The following CNTNAP4 variants were observed in gnomAD, a reference collection of about 807,000 sequenced individuals.
CNTNAP4 encodes contactin associated protein family member 4, also known as contactin-associated protein-like 4.
A neutral mutation model predicts 148.4 loss-of-function variants in CNTNAP4; 98 were observed. The ratio of observed to expected loss-of-function variants is 0.66; its 90% CI spans 0.56 to 0.78. The LOEUF (loss-of-function observed/expected upper bound fraction) is 0.78. Ranked by LOEUF, CNTNAP4 falls within the 30% of genes least tolerant of loss-of-function variation. The pLI is 0.00. For synonymous variants in CNTNAP4, 730 were observed against 565.1 expected (o/e 1.29, Z -4.14); for missense variants, 1,935 against 1,565.6 (o/e 1.24, Z -3.98).
intron 4 of CNTNAP4, among the ~76,000 whole-genome samples, chr16:76,433,657 A>G (rs979444599): frequency 3.3e-5 from 5 of 152,150 alleles, no homozygotes; most frequent in African/African-American, 1.2e-4. Context: ...TCTATTCAGG[A>G]TGCTAATCTC....
At chr16:76,434,046 GCA>G (rs1196485609) in intron 4 of CNTNAP4, among the ~76,000 whole-genome samples, 6 of 149,628 alleles carry the variant, frequency 4.0e-5, no homozygotes, top group South Asian at 2.1e-4. Context: ...GTATATATAT[GCA>G]CACACACATA....
At chr16:76,374,696 C>T (rs75488993) in intron 3 of CNTNAP4, among the ~76,000 whole-genome samples, 5,583 of 151,332 alleles carry the variant, frequency 0.037, 316 homozygotes, top group African/African-American at 0.13. Context: ...AGTCTGTGAA[C>T]ATTTAATCCA....
intron 3 of CNTNAP4, among the ~76,000 whole-genome samples, chr16:76,384,767 A>G (rs1304680715): frequency 6.6e-6 from 1 of 152,230 alleles, no homozygotes; most frequent in Non-Finnish European, 1.5e-5. Flanking sequence ...ACAAGCATAT[A>G]TAACACATTT....
At chr16:76,515,659 C>G (rs8055087) in intron 15 of CNTNAP4, among the ~76,000 whole-genome samples, 1 of 151,978 alleles carries the variant, frequency 6.6e-6, no homozygotes, top group African/African-American at 2.4e-5. Context: ...GGGCAAAAGA[C>G]GTGGAAGGAG....
At chr16:76,422,775 TA>T (rs2079235681) in intron 3 of CNTNAP4, among the ~76,000 whole-genome samples, 1 of 152,172 alleles carries the variant, frequency 6.6e-6, no homozygotes, top group Admixed American at 6.6e-5. Flanking sequence ...ATGCAAATAT[TA>T]AAGCTAGCTA....
chr16:76,439,377 G>C (rs1410154411), intron 4 of CNTNAP4, among the ~76,000 whole-genome samples: 2 of 152,106 alleles, frequency 1.3e-5, no homozygotes, highest in East Asian at 3.9e-4. Context: ...TAATGTTGAG[G>C]CATTTTGATA....
chr16:76,466,615 A>G (rs929978949), intron 9 of CNTNAP4, among the ~76,000 whole-genome samples: 5 of 152,116 alleles, frequency 3.3e-5, no homozygotes, highest in African/African-American at 1.2e-4. Flanking sequence ...GGATAGAGAA[A>G]CATTTAGAAT....
chr16:76,538,792 T>G (rs1350059137), intron 19 of CNTNAP4, among the ~76,000 whole-genome samples: 1 of 152,016 alleles, frequency 6.6e-6, no homozygotes, highest in Non-Finnish European at 1.5e-5. Flanking sequence ...TTAGTTGTAC[T>G]TTTAGTTAAA....
chr16:76,461,890 G>C (rs1434501545), intron 8 of CNTNAP4, 66 bp from the exon 9 acceptor site: 9 of 1,447,940 alleles, frequency 6.2e-6, no homozygotes, highest in Admixed American at 3.4e-5. Context: ...GTATATTGCT[G>C]TTTCTAACCA....
chr16:76,460,773 A>ATAAATAAATAT (rs1555564517), intron 8 of CNTNAP4, among the ~76,000 whole-genome samples: 2 of 57,328 alleles, frequency 3.5e-5, no homozygotes, highest in South Asian at 1.2e-3. Context: ...AAAAAAAAAA[A>ATAAATAAATAT]ATATATATAT....
At chr16:76,553,139 T>A in intron 21 of CNTNAP4, 144 bp from the exon 22 acceptor site, 1 of 585,382 alleles carries the variant, frequency 1.7e-6, no homozygotes, top group Non-Finnish European at 3.1e-6. Context: ...GAATAATGGA[T>A]TTTTATCTTT....
Position 76,476,088 on chromosome 16 carries a change from T to C in CNTNAP4, c.1762+43T>C, listed in dbSNP as rs758701297. 1.4e-5 allele frequency: 19 copies of C among 1,361,590 alleles called. No homozygotes were observed. The Middle Eastern group carries it at 7.1e-4, about 51-fold the overall frequency. 84.3% of individuals were successfully genotyped at this position (1,361,590 alleles called of 1,614,324 possible). On this transcript the variant is annotated intron_variant, in intron 11 of 23. Transcript: ENST00000611870. ...GCTTTTTCTTGCCCCTGTGATGGTT[T>C]CTTTGTCCCATTTCCCTTTTCATTG...
intron 1 of CNTNAP4, among the ~76,000 whole-genome samples, chr16:76,293,728 C>T (rs766442387): frequency 2.6e-5 from 4 of 151,504 alleles, no homozygotes; most frequent in Non-Finnish European, 5.9e-5. Flanking sequence ...AATTTAATCA[C>T]ATTTCATATG....
At chr16:76,396,959 C>G (rs1597413756) in intron 3 of CNTNAP4, among the ~76,000 whole-genome samples, 1 of 152,118 alleles carries the variant, frequency 6.6e-6, no homozygotes, top group Non-Finnish European at 1.5e-5. Context: ...GAAGCAGACA[C>G]ATAAATGGTT....
intron 21 of CNTNAP4, among the ~76,000 whole-genome samples, chr16:76,543,750 G>A (rs1568583958): frequency 2.6e-5 from 4 of 152,192 alleles, no homozygotes; most frequent in African/African-American, 9.7e-5. Context: ...GCCACTGGCT[G>A]GGGGCAGTCC....
intron 3 of CNTNAP4, among the ~76,000 whole-genome samples, chr16:76,412,784 A>G (rs4365309): frequency 0.35 from 52,931 of 151,200 alleles, 10,915 homozygotes; most frequent in Non-Finnish European, 0.44. Flanking sequence ...AACATTTTTA[A>G]ATGAACAAAG....
chr16:76,377,490 G>T (rs1238742040), intron 3 of CNTNAP4, among the ~76,000 whole-genome samples: 2 of 152,140 alleles, frequency 1.3e-5, no homozygotes, highest in African/African-American at 2.4e-5. Flanking sequence ...TTCAAAGATG[G>T]TGCAATGCTA....
At chr16:76,414,958 T>C (rs2078924317) in intron 3 of CNTNAP4, among the ~76,000 whole-genome samples, 1 of 117,082 alleles carries the variant, frequency 8.5e-6, no homozygotes, top group Admixed American at 8.3e-5. Context: ...AACCAACTTG[T>C]GTTTTTTTTC....
intron 2 of CNTNAP4, among the ~76,000 whole-genome samples, chr16:76,333,915 A>G (rs1022942613): frequency 6.7e-6 from 1 of 149,920 alleles, no homozygotes; most frequent in African/African-American, 2.5e-5. Context: ...CCTCTACAGC[A>G]CCTGTTGTTT....
Sources: allele counts gnomAD v4.1 joint callset (sites outside exome capture counted in the v4.1 genomes callset), GRCh38; gene constraint gnomAD v4.1.1; transcripts MANE v1.5; gene names NCBI Gene and HGNC (gene_info 2026-07-23, HGNC 2026-07-21).